The following ZDHHC2 variants were observed in gnomAD, a reference collection of about 807,000 sequenced individuals.
The protein encoded by ZDHHC2 is zDHHC palmitoyltransferase 2, also known as palmitoyltransferase ZDHHC2.
ZDHHC2 carries 51 observed loss-of-function variants against 55.6 expected under a neutral mutation model. The observed-to-expected ratio is 0.92, with a 90% CI of 0.73 to 1.16. The LOEUF (loss-of-function observed/expected upper bound fraction) is 1.16, where lower values mean the gene tolerates loss of function less well. Ranked by LOEUF, ZDHHC2 falls within the 50% of genes most tolerant of loss-of-function variation. ZDHHC2 has a pLI of 0.00. For synonymous variants in ZDHHC2, 199 were observed against 152.9 expected, an observed-to-expected ratio of 1.30 and a Z score of -2.22; for missense variants, 491 against 442.4, an observed-to-expected ratio of 1.11 and a Z score of -0.99.
In ZDHHC2 at chr8:17,210,434, C is replaced by A; in HGVS notation, c.904C>A (p.Pro302Thr). The A allele has an allele frequency of 6.2e-7, 1 of 1,613,302 alleles. No homozygotes were observed. Among genetic ancestry groups the A allele is most frequent in the Non-Finnish European group, 8.5e-7 (1 of 1,179,598 alleles). ...SFPTCLVNQD[P>T]EQASTPAGLN... ...TCCAACTTGCCTTGTTAACCAGGATCCTGAACAAGCATCTACTCCTGCAGG... is the reference window on the plus strand; with the variant it reads ...TCCAACTTGCCTTGTTAACCAGGATACTGAACAAGCATCTACTCCTGCAGG... The change falls in exon 10 of 13, where the codon CCT becomes ACT. Residue 302 changes from proline to threonine, a missense_variant. Pro to Thr is a conservative substitution (Grantham distance 38, BLOSUM62 -1). Coordinates refer to ENST00000262096, the MANE Select transcript of ZDHHC2 (RefSeq NM_016353.5).
chr8:17,158,696 C>T lies in ZDHHC2; in HGVS notation c.130+1843C>T, dbSNP rs191528127. Among the ~76,000 whole-genome samples, 268 of 152,352 alleles carry T rather than the reference C, an allele frequency of 1.8e-3. 3 individuals are homozygous for T. The highest frequency in any genetic ancestry group is 3.4e-3 in the Middle Eastern group (1 of 294). On this transcript the variant is annotated intron_variant, in intron 1 of 12. Coordinates refer to ENST00000262096, the MANE Select transcript of ZDHHC2 (RefSeq NM_016353.5). ...TCCGCATCAGTATTTTAGTAAGTGA[C>T]GATTTGACTAAGAGGAAGAATGCCT...
chr8:17,222,007 C>T lies in ZDHHC2; in HGVS notation c.*1786C>T, dbSNP rs1302523769. ...TTTTTTTTTTTTTTTTTTTTCAAAGCACAGTACTGTTAGCTGTTTTTGTGG... is the reference window on the plus strand; with the variant it reads ...TTTTTTTTTTTTTTTTTTTTCAAAGTACAGTACTGTTAGCTGTTTTTGTGG... On this transcript the variant is annotated 3_prime_UTR_variant, in exon 13 of 13. Transcript: ENST00000262096. 4.6e-5 allele frequency: 6 copies of T among 129,200 alleles called. No individual in the cohort carries two copies. The highest frequency in any genetic ancestry group is 3.3e-4 in the Admixed American group (4 of 12,040). The allele number at this position is 129,200 out of a possible 1,614,324, so 8.0% of individuals were successfully genotyped here.
chr8:17,169,408 C>T (rs76378909), intron 1 of ZDHHC2, among the ~76,000 whole-genome samples: 8,374 of 152,084 alleles, frequency 0.055, 758 homozygotes, highest in African/African-American at 0.19. Flanking sequence ...ACTCGAGGGC[C>T]TCTAGCTTAC....
intron 3 of ZDHHC2, among the ~76,000 whole-genome samples, chr8:17,186,830 G>A (rs80135013): frequency 6.6e-6 from 1 of 152,288 alleles, no homozygotes; most frequent in East Asian, 1.9e-4. Context: ...AATCTTCTCT[G>A]CATTCAAAAA....
chr8:17,209,857 A>G (rs1313959820), intron 8 of ZDHHC2, 75 bp from the exon 9 acceptor site: 1 of 1,451,284 alleles, frequency 6.9e-7, no homozygotes, highest in Admixed American at 2.8e-5. Flanking sequence ...CATTTACTTC[A>G]ATTATTGATA....
chr8:17,201,492 T>G (rs1357418968), intron 6 of ZDHHC2, among the ~76,000 whole-genome samples: 4 of 121,522 alleles, frequency 3.3e-5, no homozygotes, highest in East Asian at 2.5e-4. Flanking sequence ...TTTTTTTTTT[T>G]TTTTTTTTTT....
chr8:17,201,105 C>T (rs1163590191), intron 6 of ZDHHC2, among the ~76,000 whole-genome samples: 1 of 152,158 alleles, frequency 6.6e-6, no homozygotes, highest in African/African-American at 2.4e-5. Flanking sequence ...TAGGTAATAA[C>T]ATGCTTTTGG....
At chr8:17,198,107 T>A (rs1387680727) in intron 5 of ZDHHC2, among the ~76,000 whole-genome samples, 1 of 152,202 alleles carries the variant, frequency 6.6e-6, no homozygotes, top group East Asian at 1.9e-4. Context: ...CTAAGATAGT[T>A]GTATATTAAT....
At chr8:17,186,631 G>A (rs1805725542) in intron 3 of ZDHHC2, among the ~76,000 whole-genome samples, 1 of 152,238 alleles carries the variant, frequency 6.6e-6, no homozygotes, top group South Asian at 2.1e-4. Flanking sequence ...TGCATTTTCT[G>A]TATTGAATCT....
chr8:17,188,486 C>G (rs531118912), intron 3 of ZDHHC2, among the ~76,000 whole-genome samples: 1 of 152,204 alleles, frequency 6.6e-6, no homozygotes, highest in African/African-American at 2.4e-5. Flanking sequence ...ATATTCTTAC[C>G]CCTTTCTCAT....
intron 1 of ZDHHC2, 126 bp from the exon 2 acceptor site, chr8:17,184,663 A>G: frequency 1.3e-6 from 1 of 779,498 alleles, no homozygotes; most frequent in Non-Finnish European, 2.0e-6. Context: ...AAAGTTGAAT[A>G]AATATTTAGA....
chr8:17,208,102 C>A lies in ZDHHC2; in HGVS notation c.730+10C>A. 1 of 1,548,742 alleles carries A rather than the reference C, an allele frequency of 6.5e-7. No individual in the cohort carries two copies. The highest frequency in any genetic ancestry group is 1.2e-5 in the South Asian group (1 of 81,490). On this transcript the variant is annotated intron_variant, in intron 8 of 12. Coordinates refer to ENST00000262096, the MANE Select transcript of ZDHHC2 (RefSeq NM_016353.5). Reference sequence around the variant, plus strand: ...AATAAATCTACATTAGGTGAGTATCCAATTATTGTAGTTGACAGAACTTTA... The same window carrying A: ...AATAAATCTACATTAGGTGAGTATCAAATTATTGTAGTTGACAGAACTTTA...
At position 17,156,705 on chromosome 8, in the gene ZDHHC2, A is replaced by T; in HGVS notation, c.-19A>T. ...CCCGCGGGCGGCGGCGGAGCTGGGC[A>T]GGTGGATGCGGCTGGAAGATGGCGC... On this transcript the variant is annotated 5_prime_UTR_variant, in exon 1 of 13. Transcript: ENST00000262096. 2 of 1,421,818 alleles carry T rather than the reference A, an allele frequency of 1.4e-6. No homozygotes were observed. Among genetic ancestry groups the T allele is most frequent in the Non-Finnish European group, 1.9e-6 (2 of 1,080,566 alleles). The allele number at this position is 1,421,818 out of a possible 1,614,324, so 88.1% of individuals were successfully genotyped here. A position where few individuals can be genotyped will look rare whatever the true frequency, so the allele number is the denominator to read the frequency against.
At chr8:17,195,953 T>C (rs2150922784) in intron 4 of ZDHHC2, among the ~76,000 whole-genome samples, 1 of 152,334 alleles carries the variant, frequency 6.6e-6, no homozygotes, top group African/African-American at 2.4e-5. Context: ...TAGACTTTCC[T>C]ATTTATATTT....
chr8:17,200,702 T>G (rs1259791850), intron 6 of ZDHHC2, among the ~76,000 whole-genome samples: 1 of 152,236 alleles, frequency 6.6e-6, no homozygotes, highest in Non-Finnish European at 1.5e-5. Flanking sequence ...ACTTACAGTC[T>G]GATAGCCTTT....
intron 3 of ZDHHC2, among the ~76,000 whole-genome samples, chr8:17,190,003 C>G (rs1033471646): frequency 6.6e-6 from 1 of 152,088 alleles, no homozygotes; most frequent in South Asian, 2.1e-4. Context: ...ACACCATGCT[C>G]TAGTATGGAG....
chr8:17,181,190 T>C (rs1805414429), intron 1 of ZDHHC2, among the ~76,000 whole-genome samples: 1 of 152,228 alleles, frequency 6.6e-6, no homozygotes, highest in African/African-American at 2.4e-5. Context: ...CGCTTTGATA[T>C]ACCAGTTTTA....
intron 6 of ZDHHC2, among the ~76,000 whole-genome samples, chr8:17,202,906 C>A (rs1341837563): frequency 2.0e-5 from 3 of 152,050 alleles, no homozygotes; most frequent in African/African-American, 4.8e-5. Context: ...TTAGTTGTTA[C>A]AAAATCTGTG....
intron 3 of ZDHHC2, among the ~76,000 whole-genome samples, chr8:17,192,587 G>T (rs1017590886): frequency 7.2e-5 from 11 of 152,140 alleles, no homozygotes; most frequent in African/African-American, 2.7e-4. Context: ...TCTTCTCTTG[G>T]TTGATTGTTT....
Sources: allele counts gnomAD v4.1 joint callset (sites outside exome capture counted in the v4.1 genomes callset), GRCh38; gene constraint gnomAD v4.1.1; transcripts MANE v1.5; gene names NCBI Gene and HGNC (gene_info 2026-07-23, HGNC 2026-07-21).